ZSCAN20: variants seen among roughly 807,000 people sequenced by gnomAD.
ZSCAN20 encodes zinc finger and SCAN domain containing 20.
In ZSCAN20, 39 loss-of-function variants were observed where a neutral mutation model predicts 97.1. The observed-to-expected ratio is 0.40, with a 90% CI of 0.31 to 0.52. The LOEUF is 0.52. Among genes scored for constraint, ZSCAN20 ranks in the 20% least tolerant of loss-of-function variants. The probability of loss-of-function intolerance (pLI) is 0.49; values close to 1 mark genes in which losing one functional copy is unlikely to be tolerated. For missense variants in ZSCAN20, 1,115 were observed against 1,290.4 expected (o/e 0.86, Z 2.08); for synonymous variants, 456 against 467.3 (o/e 0.98, Z 0.31).
intron 2 of ZSCAN20, among the ~76,000 whole-genome samples, chr1:33,485,698 C>A (rs567867056): frequency 6.6e-6 from 1 of 152,214 alleles, no homozygotes; most frequent in East Asian, 1.9e-4. Context: ...CATGTGTGAG[C>A]CATCGTGCCT....
At position 33,495,528 on chromosome 1, in the gene ZSCAN20, A is replaced by T; in HGVS notation, c.*52A>T. On this transcript the variant is annotated 3_prime_UTR_variant, in exon 8 of 8. Coordinates refer to ENST00000684572, the MANE Select transcript of ZSCAN20 (RefSeq NM_001377376.1). Reference sequence around the variant, plus strand: ...GGACTCAATGTATATATCTTATATCATAAGATGTATGCTAGAGATAAACTT... The same window carrying T: ...GGACTCAATGTATATATCTTATATCTTAAGATGTATGCTAGAGATAAACTT... 1 of 1,412,560 alleles carries T rather than the reference A, an allele frequency of 7.1e-7. No individual in the cohort carries two copies. Among genetic ancestry groups the T allele is most frequent in the Non-Finnish European group, 9.3e-7 (1 of 1,074,996 alleles). 87.5% of individuals were successfully genotyped at this position (1,412,560 alleles called of 1,614,324 possible). A position where few individuals can be genotyped will look rare whatever the true frequency, so the allele number is the denominator to read the frequency against.
At chr1:33,488,204 CTT>C (rs1652443937) in intron 2 of ZSCAN20, among the ~76,000 whole-genome samples, 1 of 152,200 alleles carries the variant, frequency 6.6e-6, no homozygotes, top group African/African-American at 2.4e-5. Context: ...TAATTTATCT[CTT>C]TATGAATCAA....
chr1:33,489,701 A>T lies in ZSCAN20; in HGVS notation c.766+99A>T, dbSNP rs576216587. ...GCTCCTTTAAGAATCATGGCTCTGC[A>T]GTCTCTGGAATTTCAGAAATAGGAA... On this transcript the variant is annotated intron_variant, in intron 5 of 7. Coordinates refer to ENST00000684572, the MANE Select transcript of ZSCAN20 (RefSeq NM_001377376.1). 3.7e-6 allele frequency: 4 copies of T among 1,075,454 alleles called. No individual in the cohort carries two copies. The Admixed American group carries it at 6.2e-5, about 17-fold the overall frequency. 66.6% of individuals were successfully genotyped at this position (1,075,454 alleles called of 1,614,324 possible).
At chr1:33,494,166 C>A (rs776930078) in intron 7 of ZSCAN20, 52 bp from the exon 8 acceptor site, 12 of 1,488,020 alleles carry the variant, frequency 8.1e-6, no homozygotes, top group Non-Finnish European at 1.1e-5. Flanking sequence ...CAAACACACA[C>A]ACACGCGCGC....
chr1:33,488,577 G>C lies in ZSCAN20; in HGVS notation c.530G>C (p.Gly177Ala). ...CCTGAGGGACAGTCCCAGAAGAAGG[G>C]GGTGAAGAATACATGCCCTGACCTT... ...PWPEGQSQKK[G>A]VKNTCPDLPN... Residue 177 changes from glycine to alanine, a missense_variant, in exon 3 of 8, where the codon GGG (glycine) becomes GCG (alanine). By Grantham distance (60) the Gly-to-Ala change is moderately conservative. Around this residue, in one of 3 missense-constraint regions of ZSCAN20, gnomAD observed 508 missense variants for 611.2 expected, o/e 0.83. Coordinates refer to ENST00000684572, the MANE Select transcript of ZSCAN20 (RefSeq NM_001377376.1). 1 of 1,613,208 alleles carries C rather than the reference G, an allele frequency of 6.2e-7. No individual in the cohort carries two copies. Among genetic ancestry groups the C allele is most frequent in the Non-Finnish European group, 8.5e-7 (1 of 1,179,816 alleles).
At position 33,494,900 on chromosome 1, in the gene ZSCAN20, AC is replaced by A; in HGVS notation, c.2558del (p.Pro853LeufsTer8). On this transcript the variant is annotated frameshift_variant, in exon 8 of 8. Transcript: ENST00000684572. LOFTEE classifies it high-confidence loss of function. ...CTACAGAAGAGACAGCTCCTGAACA[AC>A]CTCAAAGTATCAGTAAGGACTTGAA... ...NSTEETAPEQ[P>X]QSISKDLNSP... The A allele has an allele frequency of 6.2e-7, 1 of 1,614,188 alleles. No homozygotes were observed. The highest frequency in any genetic ancestry group is 8.5e-7 in the Non-Finnish European group (1 of 1,180,040).
intron 5 of ZSCAN20, among the ~76,000 whole-genome samples, chr1:33,490,728 C>A (rs1262958850): frequency 6.6e-6 from 1 of 151,406 alleles, no homozygotes; most frequent in Non-Finnish European, 1.5e-5. Flanking sequence ...TCTAATTGGG[C>A]CAATTTAGGC....
intron 2 of ZSCAN20, among the ~76,000 whole-genome samples, chr1:33,483,266 TC>T (rs35671973): frequency 0.69 from 94,813 of 137,496 alleles, 30,492 homozygotes; most frequent in African/African-American, 0.74. Flanking sequence ...TTTTTTTTTT[TC>T]ATGTGGATGT....
In ZSCAN20 at chr1:33,487,856, T is replaced by C. The variant is rs145217804; in HGVS notation, c.418-609T>C. ...TTATAGAGGTGAGGGTCTGCTATGT[T>C]GCCCAGGCTGGTCTTGAACCCTTGG... On this transcript the variant is annotated intron_variant, in intron 2 of 7. Coordinates refer to ENST00000684572, the MANE Select transcript of ZSCAN20 (RefSeq NM_001377376.1). 4.8e-3 allele frequency among the ~76,000 whole-genome samples: 732 copies of C among 152,244 alleles called. 6 individuals carry two copies. In the Middle Eastern group the frequency reaches 0.075, roughly 16 times the overall value.
Position 33,495,501 on chromosome 1 carries a change from G to A in ZSCAN20, c.*25G>A, listed in dbSNP as rs1433511072. The A allele has an allele frequency of 6.7e-7, 1 of 1,495,582 alleles. No homozygotes were observed. The highest frequency in any genetic ancestry group is 1.5e-5 in the South Asian group (1 of 68,602). The allele number at this position is 1,495,582 out of a possible 1,614,324, so 92.6% of individuals were successfully genotyped here. A position where few individuals can be genotyped will look rare whatever the true frequency, so the allele number is the denominator to read the frequency against. On this transcript the variant is annotated 3_prime_UTR_variant, in exon 8 of 8. Transcript: ENST00000684572. ...GGGGACAGTTTCCTCAACAACAAAGGAGGACTCAATGTATATATCTTATAT... is the reference window on the plus strand; with the variant it reads ...GGGGACAGTTTCCTCAACAACAAAGAAGGACTCAATGTATATATCTTATAT...
Position 33,491,134 on chromosome 1 carries a change from G to A in ZSCAN20, c.876G>A (p.Leu292=). The change falls in exon 6 of 8, where the codon CTG becomes CTA. Residue 292 remains leucine (L), a synonymous_variant. Coordinates refer to ENST00000684572, the MANE Select transcript of ZSCAN20 (RefSeq NM_001377376.1). This position sits in a 1 kb window ranked among gnomAD's most constrained non-coding sequence, Gnocchi z 4.3. ...SGKRSTADYS[L]DNEPAQALTW... ...AAAGGAGCACTGCAGATTACAGCCT[G>A]GATAATGAGCCAGCTCAGGCATTGA... 6.2e-7 allele frequency: 1 copy of A among 1,614,096 alleles called. No homozygotes were observed. Among genetic ancestry groups the A allele is most frequent in the East Asian group, 2.2e-5 (1 of 44,884 alleles).
In ZSCAN20 at chr1:33,489,192, G is replaced by A; in HGVS notation, c.681+1G>A. On this transcript the variant is annotated splice_donor_variant, in intron 4 of 7. Coordinates refer to ENST00000684572, the MANE Select transcript of ZSCAN20 (RefSeq NM_001377376.1). LOFTEE classifies it high-confidence loss of function. Reference sequence around the variant, plus strand: ...TTGGGAGGTGACAGCTGAGTCCCAGGTAAGCTGTTACTCGTTCTTCCTTTC... The same window carrying A: ...TTGGGAGGTGACAGCTGAGTCCCAGATAAGCTGTTACTCGTTCTTCCTTTC... The A allele has an allele frequency of 6.2e-7, 1 of 1,613,408 alleles. No homozygotes were observed. Among genetic ancestry groups the A allele is most frequent in the Non-Finnish European group, 8.5e-7 (1 of 1,179,562 alleles).
rs778590016 is a variant in ZSCAN20 at position 33,494,683 on chromosome 1, A to G, written c.2339A>G (p.Asn780Ser). ...GGGAAAAGCTTTAGTGACCATTCTA[A>G]TCTCATCACTCACCAGAGAATTCAC... ...ECGKSFSDHS[N>S]LITHQRIHTG... Residue 780 changes from asparagine (N) to serine (S), a missense_variant, in exon 8 of 8, where the codon AAT becomes AGT. This residue lies in a region of ZSCAN20 where 554 missense variants were observed against 584.9 expected (regional missense o/e 0.95). Transcript: ENST00000684572. 18 of 1,613,924 alleles carry G rather than the reference A, an allele frequency of 1.1e-5. 1 individual carries two copies. The highest frequency in any genetic ancestry group is 3.3e-5 in the Admixed American group (2 of 59,998).
At position 33,479,262 on chromosome 1, in the gene ZSCAN20, G is replaced by C; in HGVS notation, c.-27G>C. 1 of 1,569,518 alleles carries C rather than the reference G, an allele frequency of 6.4e-7. No homozygotes were observed. The highest frequency in any genetic ancestry group is 8.7e-7 in the Non-Finnish European group (1 of 1,155,984). On this transcript the variant is annotated 5_prime_UTR_variant, in exon 2 of 8. The change abolishes the stop of an existing upstream ORF in the 5' untranslated region. Transcript: ENST00000684572. ...GAAGACATTGGATGAGGTCAGCATA[G>C]CTGAAGTGAGGTGTCTGGGTTAGAC...
chr1:33,476,333 GA>G (rs1217298727), intron 1 of ZSCAN20, among the ~76,000 whole-genome samples: 4 of 151,776 alleles, frequency 2.6e-5, no homozygotes, highest in South Asian at 2.1e-4. Context: ...TGGTTCCTTA[GA>G]AAAAAAAGGT....
rs1331307907 is a variant in ZSCAN20, at chr1:33,494,938, C to G, written c.2594C>G (p.Pro865Arg). 2 of 1,614,152 alleles carry G rather than the reference C, an allele frequency of 1.2e-6. No individual in the cohort carries two copies. The highest frequency in any genetic ancestry group is 1.7e-6 in the Non-Finnish European group (2 of 1,180,040). The change falls in exon 8 of 8, where the codon CCA (proline) becomes CGA (arginine). Residue 865 changes from proline (P) to arginine (R), a missense_variant. This residue lies in a region of ZSCAN20 where 554 missense variants were observed against 584.9 expected (regional missense o/e 0.95). Coordinates refer to ENST00000684572, the MANE Select transcript of ZSCAN20 (RefSeq NM_001377376.1). ...AGTAAGGACTTGAATTCTCCTGGAC[C>G]ACACAGCACAAACTCAGGGGAGAAA... ...SISKDLNSPG[P>R]HSTNSGEKLY...
In ZSCAN20 at chr1:33,495,748, T is replaced by C. The variant is rs941656284; in HGVS notation, c.*272T>C. On this transcript the variant is annotated 3_prime_UTR_variant, in exon 8 of 8. Transcript: ENST00000684572. ...ATCATGTAAGAGCTGTGTCAGTATTTGAGCCAAACTGGCAACTTACGAGAT... is the reference window on the plus strand; with the variant it reads ...ATCATGTAAGAGCTGTGTCAGTATTCGAGCCAAACTGGCAACTTACGAGAT... 5 of 275,216 alleles carry C rather than the reference T, an allele frequency of 1.8e-5. No homozygotes were observed. Among genetic ancestry groups the C allele is most frequent in the Non-Finnish European group, 3.4e-5 (5 of 146,236 alleles). 17.0% of individuals were successfully genotyped at this position (275,216 alleles called of 1,614,324 possible). A position where few individuals can be genotyped will look rare whatever the true frequency, so the allele number is the denominator to read the frequency against.
intron 2 of ZSCAN20, among the ~76,000 whole-genome samples, chr1:33,483,224 G>GT (rs1652220945): frequency 6.9e-6 from 1 of 145,690 alleles, no homozygotes; most frequent in African/African-American, 2.5e-5. Context: ...TCCATTTTGA[G>GT]TTGATTTTTG....
chr1:33,488,670 AT>A lies in ZSCAN20; in HGVS notation c.604+21del, dbSNP rs1201700354. 1 of 1,600,718 alleles carries A rather than the reference AT, an allele frequency of 6.2e-7. No homozygotes were observed. On this transcript the variant is annotated intron_variant, in intron 3 of 7. Coordinates refer to ENST00000684572, the MANE Select transcript of ZSCAN20 (RefSeq NM_001377376.1). ...GAGAGTGGTGAGTACATCTGAGAAC[AT>A]TAGGGAATGAGGCCTTCTGCAGGGG... is the stretch of plus-strand genomic sequence containing the variant.
Sources: allele counts gnomAD v4.1 joint callset (sites outside exome capture counted in the v4.1 genomes callset), GRCh38; gene constraint gnomAD v4.1.1; regional missense constraint gnomAD v4.1.1; non-coding constraint Gnocchi (gnomAD v3.1); transcripts MANE v1.5; gene names NCBI Gene and HGNC (gene_info 2026-07-23, HGNC 2026-07-21).